Variants in PPT2 observed in about 807,000 individuals in gnomAD.
PPT2 encodes the protein lysosomal thioesterase PPT2.
PPT2 carries 20 observed loss-of-function variants against 37.3 expected under a neutral mutation model. The ratio of observed to expected loss-of-function variants is 0.54; its 90% confidence interval spans 0.38 to 0.78. PPT2 has a LOEUF of 0.78. Ranked by LOEUF, PPT2 falls within the 30% of genes least tolerant of loss-of-function variation. The pLI, the probability that PPT2 is intolerant of heterozygous loss-of-function variation, is 0.00. For missense variants in PPT2, 270 were observed against 389.8 expected (o/e 0.69, Z 2.59); for synonymous variants, 135 against 159.1 (o/e 0.85, Z 1.14).
At chr6:32,160,386 T>C (rs1206367057) in intron 7 of PPT2, among the ~76,000 whole-genome samples, 1 of 150,052 alleles carries the variant, frequency 6.7e-6, no homozygotes, top group Non-Finnish European at 1.5e-5. Context: ...TTTAACTCCA[T>C]CTGGCTGGGT....
chr6:32,161,733 GCCCACCACGCCCAGC>G (rs1784173171), intron 7 of PPT2, among the ~76,000 whole-genome samples: 1 of 149,510 alleles, frequency 6.7e-6, no homozygotes, highest in Admixed American at 6.7e-5. Flanking sequence ...GATTACAGGC[GCCCACCACGCCCAGC>G]TAATTTTGTA....
upstream of PPT2, chr6:32,153,578 C>T: frequency 6.4e-7 from 1 of 1,569,602 alleles, no homozygotes; most frequent in Non-Finnish European, 8.6e-7. This position sits in a 1 kb window ranked among gnomAD's most constrained non-coding sequence, Gnocchi z 4.4. Context: ...CAAGGGGCCT[C>T]GAGGACTCTC....
At position 32,156,267 on chromosome 6, in the gene PPT2, G is replaced by A. The variant is rs1382999272; in HGVS notation, c.541+289G>A. Among the ~76,000 whole-genome samples, 1 of 152,018 alleles carries A rather than the reference G, an allele frequency of 6.6e-6. No individual in the cohort carries two copies. ...ATTACAGGCAGGCGCCATCATGCCC[G>A]GCTAAGTTTTGTATTTTAAGTAGAG... On this transcript the variant is annotated intron_variant, in intron 5 of 8. Coordinates refer to ENST00000324816, the MANE Select transcript of PPT2 (RefSeq NM_005155.7). This position sits in a 1 kb window ranked among gnomAD's most constrained non-coding sequence, Gnocchi z 4.9.
In PPT2 at chr6:32,156,650, C is replaced by A. The variant is rs1454334608; in HGVS notation, c.541+672C>A. Among the ~76,000 whole-genome samples, 3 of 152,110 alleles carry A rather than the reference C, an allele frequency of 2.0e-5. No individual in the cohort carries two copies. ...AAACAAGTAGCAGGCTGGATTTGGT[C>A]CTTTGGTCACAGTTTGCCAACCTCT... On this transcript the variant is annotated intron_variant, in intron 5 of 8. Transcript: ENST00000324816. The surrounding 1 kb of genome is among the most constrained non-coding windows in gnomAD (Gnocchi z 4.9).
At chr6:32,161,804 G>A (rs559426699) in intron 7 of PPT2, among the ~76,000 whole-genome samples, 48 of 151,690 alleles carry the variant, frequency 3.2e-4, no homozygotes, top group African/African-American at 1.1e-3. Flanking sequence ...GGCTGGTCTC[G>A]AATTCCTGAC....
In PPT2 at chr6:32,154,522, G is replaced by C. The variant is rs995185235; in HGVS notation, c.-8-65G>C. On this transcript the variant is annotated intron_variant, in intron 1 of 8. Coordinates refer to ENST00000324816, the MANE Select transcript of PPT2 (RefSeq NM_005155.7). This position sits in a 1 kb window ranked among gnomAD's most constrained non-coding sequence, Gnocchi z 7.3. The stretch of plus-strand genomic sequence containing the variant: ...CGAGAGGAGGTGGCTTGATTGCCGG[G>C]CGTCTGTTCCGAGGGAGGAGGGTGT... 3.9e-6 allele frequency: 6 copies of C among 1,533,668 alleles called. No homozygotes were observed. Among genetic ancestry groups the C allele is most frequent in the Non-Finnish European group, 5.3e-6 (6 of 1,136,952 alleles).
In PPT2 at chr6:32,155,797, A is replaced by G. The variant is rs1440791700; in HGVS notation, c.433+14A>G. 6.2e-7 allele frequency: 1 copy of G among 1,609,958 alleles called. No homozygotes were observed. The highest frequency in any genetic ancestry group is 1.3e-5 in the African/African-American group (1 of 74,790). On this transcript the variant is annotated intron_variant, in intron 4 of 8. Transcript: ENST00000324816. This position sits in a 1 kb window ranked among gnomAD's most constrained non-coding sequence, Gnocchi z 4.3. ...GACAGTATGGAGGTGAGTGGGCACT[A>G]GACTCCATAGAATGCCCTGAGTTTT...
At chr6:32,161,907 G>A (rs1291896906) in intron 7 of PPT2, among the ~76,000 whole-genome samples, 1 of 151,410 alleles carries the variant, frequency 6.6e-6, no homozygotes, top group African/African-American at 2.4e-5. Flanking sequence ...TAGTAGAGAT[G>A]GGGTTTCACC....
At chr6:32,158,114 G>C in intron 7 of PPT2, 190 bp downstream of exon 7, 1 of 551,320 alleles carries the variant, frequency 1.8e-6, no homozygotes, top group Non-Finnish European at 3.2e-6. Flanking sequence ...CAGTCACTAA[G>C]TCCTGCTGAC....
At position 32,154,218 on chromosome 6, in the gene PPT2, G is replaced by T; in HGVS notation, c.-195G>T. 1 of 1,157,904 alleles carries T rather than the reference G, an allele frequency of 8.6e-7. No individual in the cohort carries two copies. Among genetic ancestry groups the T allele is most frequent in the Non-Finnish European group, 1.1e-6 (1 of 938,878 alleles). 71.7% of individuals were successfully genotyped at this position (1,157,904 alleles called of 1,614,324 possible). A position where few individuals can be genotyped will look rare whatever the true frequency, so the allele number is the denominator to read the frequency against. On this transcript the variant is annotated 5_prime_UTR_variant, in exon 1 of 9. Coordinates refer to ENST00000324816, the MANE Select transcript of PPT2 (RefSeq NM_005155.7). This position sits in a 1 kb window ranked among gnomAD's most constrained non-coding sequence, Gnocchi z 7.3. ...CAGACTTGGGATAAGTAAACAGCGGGTGGAGCGAGGCCTACGGACCCAGGC... is the reference window on the plus strand; with the variant it reads ...CAGACTTGGGATAAGTAAACAGCGGTTGGAGCGAGGCCTACGGACCCAGGC...
rs1367497778 is a variant in PPT2, at chr6:32,162,846, G to GC, written c.808dup (p.Arg270ProfsTer25). On this transcript the variant is annotated frameshift_variant, in exon 9 of 9. Transcript: ENST00000324816. LOFTEE classifies it high-confidence loss of function. The surrounding 1 kb of genome is among the most constrained non-coding windows in gnomAD (Gnocchi z 5.5). Reference sequence around the variant, plus strand: ...TTCTTTTGGGTTGAAGACTCTATTGGCCCGGGGGGCCATAGTGAGGTGTCC... The same window carrying GC: ...TTCTTTTGGGTTGAAGACTCTATTGGCCCCGGGGGGCCATAGTGAGGTGTCC... The GC allele has an allele frequency of 6.2e-7, 1 of 1,613,960 alleles. No individual in the cohort carries two copies. The highest frequency in any genetic ancestry group is 8.5e-7 in the Non-Finnish European group (1 of 1,179,902).
intron 7 of PPT2, among the ~76,000 whole-genome samples, chr6:32,160,105 C>T (rs1357071521): frequency 6.6e-5 from 10 of 151,680 alleles, no homozygotes; most frequent in Non-Finnish European, 5.9e-5. Context: ...AGTGCAGTGG[C>T]GTGATCTCGG....
chr6:32,159,243 G>A (rs1783983895), intron 7 of PPT2, among the ~76,000 whole-genome samples: 1 of 151,640 alleles, frequency 6.6e-6, no homozygotes. Flanking sequence ...AGACTAGCCC[G>A]ACCAACATGG....
At chr6:32,154,034 C>G (rs1252930585), upstream of PPT2, 1 of 1,169,294 alleles carries the variant, frequency 8.6e-7, no homozygotes. This position sits in a 1 kb window ranked among gnomAD's most constrained non-coding sequence, Gnocchi z 7.3. Flanking sequence ...ATTGCCCCTC[C>G]TGTCCTGGGT....
chr6:32,163,193 G>T lies in PPT2; in HGVS notation c.*243G>T. ...GTCCTCTCATTTGGGGGATTGCTCC[G>T]TGCTGTCCCTTTCTCTCAAGGCCGA... On this transcript the variant is annotated 3_prime_UTR_variant, in exon 9 of 9. Coordinates refer to ENST00000324816, the MANE Select transcript of PPT2 (RefSeq NM_005155.7). The T allele has an allele frequency of 4.0e-6, 2 of 506,266 alleles. No homozygotes were observed. The highest frequency in any genetic ancestry group is 7.0e-5 in the South Asian group (2 of 28,428). 31.4% of individuals were successfully genotyped at this position (506,266 alleles called of 1,614,324 possible). A position where few individuals can be genotyped will look rare whatever the true frequency, so the allele number is the denominator to read the frequency against.
intron 6 of PPT2, 55 bp from the exon 7 acceptor site, chr6:32,157,785 C>T: frequency 6.3e-7 from 1 of 1,577,110 alleles, no homozygotes; most frequent in Non-Finnish European, 8.7e-7. Flanking sequence ...GTCTCCCTCT[C>T]CAACCTGGCC....
At chr6:32,161,335 G>A (rs1446696635) in intron 7 of PPT2, among the ~76,000 whole-genome samples, 2 of 152,132 alleles carry the variant, frequency 1.3e-5, no homozygotes, top group Non-Finnish European at 2.9e-5. Context: ...TTGTTGCCCA[G>A]GCTGGAGTGC....
rs150084830 is a variant in PPT2 at position 32,160,597 on chromosome 6, C to T, written c.711-1971C>T. ...GGCAGGAGAACTTGAAACCAGGAGG[C>T]GGAGGTTGCAATGAGCCGACAGGGT... is the stretch of plus-strand genomic sequence containing the variant. On this transcript the variant is annotated intron_variant, in intron 7 of 8. Transcript: ENST00000324816. 8.9e-3 allele frequency among the ~76,000 whole-genome samples: 1,340 copies of T among 151,082 alleles called. 15 individuals carry two copies. Among genetic ancestry groups the T allele is most frequent in the Non-Finnish European group, 0.013 (908 of 67,794 alleles).
At chr6:32,157,758 C>T (rs1201209827) in intron 6 of PPT2, 38 bp downstream of exon 6, 1 of 1,566,452 alleles carries the variant, frequency 6.4e-7, no homozygotes, top group Non-Finnish European at 8.8e-7. Context: ...GCTTTTTCTG[C>T]TTCTTTGACT....
Sources: allele counts gnomAD v4.1 joint callset (sites outside exome capture counted in the v4.1 genomes callset), GRCh38; gene constraint gnomAD v4.1.1; non-coding constraint Gnocchi (gnomAD v3.1); transcripts MANE v1.5; gene names NCBI Gene and HGNC (gene_info 2026-07-23, HGNC 2026-07-21).